The following FOXN3 variants were observed in gnomAD, a reference collection of about 807,000 sequenced individuals.
FOXN3 encodes forkhead box protein N3.
Under a neutral mutation model 38.4 loss-of-function variants are expected in FOXN3, and 7 were observed. That is an observed-to-expected ratio of 0.18 (90% CI 0.10 to 0.34). The LOEUF is 0.34. Among genes scored for constraint, FOXN3 ranks in the 10% least tolerant of loss-of-function variants. The pLI, the probability that FOXN3 is intolerant of heterozygous loss-of-function variation, is 1.00. For synonymous variants in FOXN3, 230 were observed against 242.2 expected (o/e 0.95, Z 0.47); for missense variants, 456 against 613.4 (o/e 0.74, Z 2.71).
chr14:89,378,840 G>A (rs1890561115), intron 2 of FOXN3, among the ~76,000 whole-genome samples: 1 of 151,754 alleles, frequency 6.6e-6, no homozygotes, highest in African/African-American at 2.4e-5. Flanking sequence ...CCGAGTACCT[G>A]GGATTACAGG....
At chr14:89,357,875 G>A (rs1889301143) in intron 2 of FOXN3, among the ~76,000 whole-genome samples, 1 of 152,142 alleles carries the variant, frequency 6.6e-6, no homozygotes, top group South Asian at 2.1e-4. Context: ...TGTATCTGGA[G>A]GAATGGACTG....
intron 3 of FOXN3, among the ~76,000 whole-genome samples, chr14:89,299,095 G>C (rs527468441): frequency 1.3e-3 from 204 of 151,920 alleles, no homozygotes; most frequent in Non-Finnish European, 2.6e-3. Context: ...CTCACACCCA[G>C]TATGTGCTCA....
chr14:89,464,968 C>T (rs917902206), intron 1 of FOXN3, among the ~76,000 whole-genome samples: 5 of 151,950 alleles, frequency 3.3e-5, no homozygotes, highest in African/African-American at 1.2e-4. Context: ...AGTGCTGGGT[C>T]TGCAGGCGTG....
chr14:89,460,291 T>G (rs1055426837), intron 1 of FOXN3, among the ~76,000 whole-genome samples: 5 of 152,086 alleles, frequency 3.3e-5, no homozygotes, highest in African/African-American at 1.2e-4. Context: ...ATGCGAACAT[T>G]CCTTTTCTGG....
intron 2 of FOXN3, among the ~76,000 whole-genome samples, chr14:89,395,293 A>C (rs1891071212): frequency 6.6e-6 from 1 of 152,206 alleles, no homozygotes; most frequent in African/African-American, 2.4e-5. Flanking sequence ...TTAATTAAAC[A>C]TACTGAATGA....
At chr14:89,421,149 T>C (rs1367180628), upstream of FOXN3, among the ~76,000 whole-genome samples, 9 of 143,770 alleles carry the variant, frequency 6.3e-5, no homozygotes, top group African/African-American at 2.0e-4. Flanking sequence ...TTCTTTCTTT[T>C]TTTTTTTTTT....
intron 2 of FOXN3, among the ~76,000 whole-genome samples, chr14:89,354,071 A>G (rs1022215858): frequency 7.9e-5 from 12 of 152,182 alleles, no homozygotes; most frequent in African/African-American, 2.9e-4. Context: ...CAAGTTTCTT[A>G]GGCCAGGAAA....
At chr14:89,465,220 T>G (rs1309037047) in intron 1 of FOXN3, among the ~76,000 whole-genome samples, 3 of 24,070 alleles carry the variant, frequency 1.2e-4, no homozygotes, top group Non-Finnish European at 4.0e-4. Flanking sequence ...CTGGCATGTC[T>G]TTGTTTTTTT....
At chr14:89,578,431 G>A (rs1029431118) in intron 1 of FOXN3, among the ~76,000 whole-genome samples, 9 of 151,958 alleles carry the variant, frequency 5.9e-5, no homozygotes, top group Non-Finnish European at 1.2e-4. Context: ...CAGACACCGC[G>A]TACATGCTAA....
chr14:89,612,390 T>G (rs1253803455), intron 1 of FOXN3, among the ~76,000 whole-genome samples: 1 of 152,182 alleles, frequency 6.6e-6, no homozygotes, highest in Non-Finnish European at 1.5e-5. Context: ...AAAAACATGA[T>G]GGTCTTAATT....
intron 1 of FOXN3, among the ~76,000 whole-genome samples, chr14:89,587,431 C>G (rs146797443): frequency 4.6e-5 from 7 of 152,282 alleles, no homozygotes; most frequent in Non-Finnish European, 1.0e-4. Flanking sequence ...GACAAAGAAA[C>G]TGAGCGAAGC....
chr14:89,311,538 T>C (rs562901612), intron 3 of FOXN3, among the ~76,000 whole-genome samples: 2 of 138,690 alleles, frequency 1.4e-5, no homozygotes, highest in Admixed American at 1.5e-4. Flanking sequence ...TAAAACTAGA[T>C]ACCTGTGGCC....
chr14:89,399,088 C>A (rs1362228365), intron 2 of FOXN3, among the ~76,000 whole-genome samples: 2 of 152,208 alleles, frequency 1.3e-5, no homozygotes, highest in Non-Finnish European at 2.9e-5. Context: ...CAGCCCAACC[C>A]CAGATGAAGG....
chr14:89,531,750 A>G (rs931005483), intron 1 of FOXN3, among the ~76,000 whole-genome samples: 5 of 152,222 alleles, frequency 3.3e-5, no homozygotes, highest in African/African-American at 1.2e-4. Flanking sequence ...TACAATATCT[A>G]CGCTGCTGGT....
intron 5 of FOXN3, among the ~76,000 whole-genome samples, chr14:89,169,301 C>T (rs1887325540): frequency 6.6e-6 from 1 of 152,058 alleles, no homozygotes; most frequent in Non-Finnish European, 1.5e-5. Flanking sequence ...ATTAACTGAA[C>T]ATGGTGGTGC....
At position 89,247,685 on chromosome 14, in the gene FOXN3, C is replaced by T. The variant is rs896702166; in HGVS notation, c.745+33265G>A. 3.9e-5 allele frequency among the ~76,000 whole-genome samples: 6 copies of T among 152,162 alleles called. No homozygotes were observed. In the South Asian group the frequency reaches 1.2e-3, roughly 32 times the overall value. On this transcript the variant is annotated intron_variant, in intron 4 of 5. Coordinates refer to ENST00000557258, the MANE Select transcript of FOXN3 (RefSeq NM_005197.4). ...CCTTGTAACTGGATTCCACACATAA[C>T]CCCTGTTCCCTGTCAACCTACTCTG...
At chr14:89,172,607 AG>A (rs1268014727) in intron 5 of FOXN3, among the ~76,000 whole-genome samples, 1 of 152,234 alleles carries the variant, frequency 6.6e-6, no homozygotes, top group Non-Finnish European at 1.5e-5. Context: ...CCCAGACTTA[AG>A]AACTTACAAA....
rs187464328 is a variant in FOXN3 at position 89,338,327 on chromosome 14, G to C, written c.680+12345C>G. Among the ~76,000 whole-genome samples the C allele has an allele frequency of 1.8e-3, 277 of 152,296 alleles. 1 individual carries two copies. Among genetic ancestry groups the C allele is most frequent in the Non-Finnish European group, 2.7e-3 (186 of 68,036 alleles). ...ATAATCTATGCTATGCATTCTAAGA[G>C]AAATCATTGATAAATAATATATTTT... On this transcript the variant is annotated intron_variant, in intron 3 of 5. Transcript: ENST00000557258.
At chr14:89,385,075 A>G (rs1371385988) in intron 2 of FOXN3, among the ~76,000 whole-genome samples, 1 of 152,184 alleles carries the variant, frequency 6.6e-6, no homozygotes, top group African/African-American at 2.4e-5. Context: ...GCACTCAATC[A>G]CAACAAATAT....
Sources: allele counts gnomAD v4.1 joint callset (sites outside exome capture counted in the v4.1 genomes callset), GRCh38; gene constraint gnomAD v4.1.1; transcripts MANE v1.5; gene names NCBI Gene and HGNC (gene_info 2026-07-23, HGNC 2026-07-21).